Variants in NLRP9 observed in about 807,000 individuals in gnomAD.
NLRP9 encodes NLR family pyrin domain containing 9, also known as NACHT, LRR and PYD domains-containing protein 9.
Under a neutral mutation model 83.1 loss-of-function variants are expected in NLRP9, and 88 were observed. The observed-to-expected ratio is 1.06, with a 90% confidence interval of 0.89 to 1.26. The LOEUF (loss-of-function observed/expected upper bound fraction) is 1.26, where lower values mean the gene tolerates loss of function less well. NLRP9 is among the 50% of genes most tolerant of loss of function. The probability of loss-of-function intolerance (pLI) is 0.00; values close to 1 mark genes in which losing one functional copy is unlikely to be tolerated. For missense variants in NLRP9, 1,308 were observed against 1,179.3 expected (o/e 1.11, Z -1.60); for synonymous variants, 521 against 447.6 (o/e 1.16, Z -2.07).
intron 4 of NLRP9, among the ~76,000 whole-genome samples, chr19:55,719,900 T>G (rs1988169591): frequency 1.3e-5 from 2 of 152,146 alleles, no homozygotes; most frequent in Non-Finnish European, 2.9e-5. Flanking sequence ...ACAAGACACA[T>G]TAAGCACATT....
At chr19:55,716,506 G>T (rs570778613) in intron 5 of NLRP9, among the ~76,000 whole-genome samples, 1 of 152,108 alleles carries the variant, frequency 6.6e-6, no homozygotes, top group East Asian at 1.9e-4. Context: ...TGATCCTCCC[G>T]CCTCAGCTTC....
chr19:55,729,049 TC>T (rs371872599), intron 3 of NLRP9, among the ~76,000 whole-genome samples: 2,670 of 108,702 alleles, frequency 0.025, 27 homozygotes, highest in East Asian at 0.11. Context: ...TTTTTCTTTT[TC>T]TTTTTTTTTT....
In NLRP9 at chr19:55,723,965, A is replaced by G; in HGVS notation, c.2159+15T>C. 2 of 1,598,730 alleles carry G rather than the reference A, an allele frequency of 1.3e-6. No homozygotes were observed. ...TGGAAAGAAACAGCACTCGGCATGA[A>G]CAGCCCGGACTTACATCAGCTCTTC... is the stretch of plus-strand genomic sequence containing the variant. On this transcript the variant is annotated intron_variant, in intron 4 of 8. Transcript: ENST00000332836.
intron 3 of NLRP9, among the ~76,000 whole-genome samples, chr19:55,727,624 C>A (rs990954096): frequency 5.3e-5 from 8 of 152,178 alleles, no homozygotes; most frequent in African/African-American, 1.9e-4. Flanking sequence ...AAAAACAGTT[C>A]AGTGAGGTCC....
chr19:55,708,955 G>C lies in NLRP9; in HGVS notation c.2933C>G (p.Pro978Arg), dbSNP rs1987569411. The C allele has an allele frequency of 6.3e-7, 1 of 1,583,942 alleles. No individual in the cohort carries two copies. Among genetic ancestry groups the C allele is most frequent in the African/African-American group, 1.4e-5 (1 of 72,978 alleles). The change falls in exon 9 of 9, where the codon CCT becomes CGT. Residue 978 changes from proline (P) to arginine (R), a missense_variant. Coordinates refer to ENST00000332836, the MANE Select transcript of NLRP9 (RefSeq NM_176820.4). ...GATCTTGTATTCCTCGTCAATCCAA[G>C]GTCCATGTGAAATGGTCAGATGGGG... ...KIPHLTISHG[P>R]WIDEEYKIRG...
At position 55,732,868 on chromosome 19, in the gene NLRP9, G is replaced by A. The variant is rs776124300; in HGVS notation, c.963C>T (p.Phe321=). The part of the protein sequence containing the change: ...FGEKSKALKV[F]NFVRDNGPLF... ...GCGGCCCATTATCTCTCACAAAATT[G>A]AAGACTTTCAGGGCTTTGCTCTTCT... is the stretch of plus-strand genomic sequence containing the variant. The change falls in exon 2 of 9, where the codon TTC becomes TTT. Residue 321 remains phenylalanine (F), a synonymous_variant. Coordinates refer to ENST00000332836, the MANE Select transcript of NLRP9 (RefSeq NM_176820.4). 349 of 1,613,976 alleles carry A rather than the reference G, an allele frequency of 2.2e-4. No homozygotes were observed. The highest frequency in any genetic ancestry group is 2.8e-4 in the Non-Finnish European group (328 of 1,180,038).
At position 55,730,006 on chromosome 19, in the gene NLRP9, A is replaced by G. The variant is rs1362024333; in HGVS notation, c.1833-14T>C. ...TTCTCATTGTAACTATGAGAGAACA[A>G]AGATTGTGATTCTCCAGTGGCTAAA... On this transcript the variant is annotated splice_polypyrimidine_tract_variant and intron_variant, in intron 2 of 8. Transcript: ENST00000332836. 6.2e-7 allele frequency: 1 copy of G among 1,607,162 alleles called. No individual in the cohort carries two copies. Among genetic ancestry groups the G allele is most frequent in the African/African-American group, 1.3e-5 (1 of 74,588 alleles).
chr19:55,712,387 A>G lies in NLRP9; in HGVS notation c.2672+33T>C, dbSNP rs780386766. The G allele has an allele frequency of 8.3e-6, 13 of 1,574,812 alleles. No individual in the cohort carries two copies. The South Asian group carries it at 1.0e-4, about 12-fold the overall frequency. On this transcript the variant is annotated intron_variant, in intron 7 of 8. Transcript: ENST00000332836. The stretch of plus-strand genomic sequence containing the variant: ...CAATTCCTATTCTTGAAATAGATAA[A>G]TTTTCCTACGATGGTGATCAGTAGA...
At position 55,733,555 on chromosome 19, in the gene NLRP9, G is replaced by A. The variant is rs1028297576; in HGVS notation, c.281-5C>T. On this transcript the variant is annotated splice_polypyrimidine_tract_variant and splice_region_variant and intron_variant, in intron 1 of 8. Transcript: ENST00000332836. ...TTCTGTATGGGTTTAGCTTATCTGT[G>A]TTAATGAGAACAGGATATAAGATAG... 8.7e-6 allele frequency: 13 copies of A among 1,487,896 alleles called. No homozygotes were observed. The highest frequency in any genetic ancestry group is 2.8e-5 in the African/African-American group (2 of 71,504). 92.2% of individuals were successfully genotyped at this position (1,487,896 alleles called of 1,614,324 possible). A position where few individuals can be genotyped will look rare whatever the true frequency, so the allele number is the denominator to read the frequency against.
In NLRP9 at chr19:55,711,969, GC is replaced by G; in HGVS notation, c.2673del (p.Leu892CysfsTer24). The part of the protein sequence containing the change: ...QHPHCKLECL[G>X]LQTCPITRAC... ...GCACGGGTGATCGGACACGTTTGCA[GC>G]CTGCAAAAGGGAAACACACCAGAGA... On this transcript the variant is annotated frameshift_variant and splice_region_variant, in exon 8 of 9. Coordinates refer to ENST00000332836, the MANE Select transcript of NLRP9 (RefSeq NM_176820.4). LOFTEE classifies it high-confidence loss of function. The G allele has an allele frequency of 6.2e-7, 1 of 1,612,046 alleles. No individual in the cohort carries two copies.
chr19:55,716,389 G>A (rs142114337), intron 5 of NLRP9, among the ~76,000 whole-genome samples: 1 of 151,504 alleles, frequency 6.6e-6, no homozygotes, highest in Admixed American at 6.6e-5. Context: ...CTCCCGAGTA[G>A]CTGGGAGTAT....
chr19:55,715,545 A>T (rs897272398), intron 5 of NLRP9, among the ~76,000 whole-genome samples: 3 of 152,066 alleles, frequency 2.0e-5, no homozygotes, highest in Non-Finnish European at 2.9e-5. Context: ...TTAGCCAGGC[A>T]TGGTGACGCA....
At chr19:55,734,534 T>TAG (rs35129981) in intron 1 of NLRP9, among the ~76,000 whole-genome samples, 3 of 140,386 alleles carry the variant, frequency 2.1e-5, no homozygotes, top group Non-Finnish European at 4.9e-5. Context: ...CACATATATA[T>TAG]ATATATATAC....
At chr19:55,720,135 T>C (rs1181854165) in intron 4 of NLRP9, among the ~76,000 whole-genome samples, 4 of 152,204 alleles carry the variant, frequency 2.6e-5, no homozygotes, top group Non-Finnish European at 4.4e-5. Flanking sequence ...TGATAACTAC[T>C]GTTGTTCACT....
In NLRP9 at chr19:55,708,986, T is replaced by C. The variant is rs1409017333; in HGVS notation, c.2902A>G (p.Lys968Glu). ...TGTGAAATGGTCAGATGGGGAATTT[T>C]TTCTTCCACAGACATCAGGATCTTC... Reference protein sequence around the residue: ...TQKILMSVEEKIPHLTISHGP... With the variant: ...TQKILMSVEEEIPHLTISHGP... Residue 968 changes from lysine to glutamate, a missense_variant, in exon 9 of 9, where the codon AAA becomes GAA. Coordinates refer to ENST00000332836, the MANE Select transcript of NLRP9 (RefSeq NM_176820.4). 2 of 1,596,046 alleles carry C rather than the reference T, an allele frequency of 1.3e-6. No homozygotes were observed. The highest frequency in any genetic ancestry group is 1.7e-6 in the Non-Finnish European group (2 of 1,173,200).
chr19:55,729,936 T>G lies in NLRP9; in HGVS notation c.1889A>C (p.Lys630Thr). 6.2e-7 allele frequency: 1 copy of G among 1,613,858 alleles called. No homozygotes were observed. Among genetic ancestry groups the G allele is most frequent in the Non-Finnish European group, 8.5e-7 (1 of 1,179,732 alleles). Residue 630 changes from lysine (K) to threonine (T), a missense_variant, in exon 3 of 9, where the codon AAG (lysine) becomes ACG (threonine). By Grantham distance (78) the Lys-to-Thr change is moderately conservative. Transcript: ENST00000332836. The part of the protein sequence containing the change: ...RELCSMFITN[K>T]NFQILDMENT... ...TTCCATGTCTAAAATCTGGAAGTTC[T>G]TGTTGGTAATGAACATTGAGCAAAG...
intron 4 of NLRP9, among the ~76,000 whole-genome samples, chr19:55,717,491 T>C (rs765795293): frequency 6.6e-6 from 1 of 152,196 alleles, no homozygotes; most frequent in African/African-American, 2.4e-5. Context: ...GCATATATTA[T>C]TGGCTGTCAC....
At chr19:55,711,684 C>A in intron 8 of NLRP9, 116 bp downstream of exon 8, 1 of 1,033,768 alleles carries the variant, frequency 9.7e-7, no homozygotes, top group Non-Finnish European at 1.5e-6. Flanking sequence ...CAAGGACAGG[C>A]CCCCACCACA....
chr19:55,733,100 C>G lies in NLRP9; in HGVS notation c.731G>C (p.Ser244Thr), dbSNP rs1403160395. ...TGGCTGCCGCTGCCTCCAATCATCG[C>G]TCAAGTCAGCCTTAAGTTGTAAGTT... ...KFNLQLKADLSDDWRQRQPMP... is the reference protein window; with the variant it reads ...KFNLQLKADLTDDWRQRQPMP... Residue 244 changes from serine to threonine, a missense_variant, in exon 2 of 9, where the codon AGC (serine) becomes ACC (threonine). Physicochemically the swap from Ser to Thr is moderately conservative, Grantham distance 58. Coordinates refer to ENST00000332836, the MANE Select transcript of NLRP9 (RefSeq NM_176820.4). 3.7e-6 allele frequency: 6 copies of G among 1,613,950 alleles called. No individual in the cohort carries two copies. The highest frequency in any genetic ancestry group is 1.7e-5 in the Admixed American group (1 of 59,986).
Sources: allele counts gnomAD v4.1 joint callset (sites outside exome capture counted in the v4.1 genomes callset), GRCh38; gene constraint gnomAD v4.1.1; transcripts MANE v1.5; gene names NCBI Gene and HGNC (gene_info 2026-07-23, HGNC 2026-07-21).